The following RPE65 variants were observed in gnomAD, a reference collection of about 807,000 sequenced individuals.
The protein encoded by RPE65 is retinoid isomerohydrolase RPE65.
RPE65 carries 58 observed loss-of-function variants against 68.5 expected under a neutral mutation model. The observed-to-expected ratio is 0.85, with a 90% CI of 0.69 to 1.05. The LOEUF is 1.05. Among genes scored for constraint, RPE65 ranks in the 50% least tolerant of loss-of-function variants. RPE65 has a pLI of 0.00. For missense variants in RPE65, 643 were observed against 629.9 expected, an observed-to-expected ratio of 1.02 and a Z score of -0.22; for synonymous variants, 220 against 222.2, an observed-to-expected ratio of 0.99 and a Z score of 0.09.
Position 68,444,653 on chromosome 1 carries a change from C to T in RPE65, c.373G>A (p.Gly125Arg). 1 of 1,614,070 alleles carries T rather than the reference C, an allele frequency of 6.2e-7. No homozygotes were observed. The highest frequency in any genetic ancestry group is 1.3e-5 in the African/African-American group (1 of 75,018). Residue 125 changes from glycine (G) to arginine (R), a missense_variant, in exon 5 of 14, where the codon GGA (glycine) becomes AGA (arginine). Coordinates refer to ENST00000262340, the MANE Select transcript of RPE65 (RefSeq NM_000329.3). ...AGGGCATTGTCAGTAACCTCTACTC[C>T]TCGAAAGTAAGAAAAAAACCTGTAG... ...IFSRFFSYFR[G>R]VEVTDNALVN...
intron 5 of RPE65, among the ~76,000 whole-genome samples, chr1:68,441,529 A>G (rs561451780): frequency 4.6e-5 from 7 of 152,224 alleles, no homozygotes; most frequent in African/African-American, 1.7e-4. Context: ...TAGGAGAACC[A>G]TGGATCTCTT....
chr1:68,439,406 A>G, intron 7 of RPE65, 83 bp from the exon 8 acceptor site: 1 of 1,590,224 alleles, frequency 6.3e-7, no homozygotes, highest in Non-Finnish European at 8.6e-7. Flanking sequence ...TGGTATGCTC[A>G]GTTACAAGAA....
At position 68,431,201 on chromosome 1, in the gene RPE65, T is replaced by C. The variant is rs759868752; in HGVS notation, c.1339-25A>G. The C allele has an allele frequency of 1.1e-5, 18 of 1,611,282 alleles. No individual in the cohort carries two copies. In the Admixed American group the frequency reaches 2.8e-4, roughly 25 times the overall value. On this transcript the variant is annotated intron_variant, in intron 12 of 13. Coordinates refer to ENST00000262340, the MANE Select transcript of RPE65 (RefSeq NM_000329.3). ...GCTGTTTGTGAGAAAGAAAAATCAA[T>C]CAAGCAATCAGTCAATATGCTTTAC...
Position 68,446,703 on chromosome 1 carries a change from G to A in RPE65, c.245+7C>T. 3 of 1,614,162 alleles carry A rather than the reference G, an allele frequency of 1.9e-6. No homozygotes were observed. The highest frequency in any genetic ancestry group is 2.5e-6 in the Non-Finnish European group (3 of 1,180,030). Reference sequence around the variant, plus strand: ...AGGAGGAGGAGTGGCATGGAGTGCTGCTTTACCTTCTGTGGTATGTGACAT... The same window carrying A: ...AGGAGGAGGAGTGGCATGGAGTGCTACTTTACCTTCTGTGGTATGTGACAT... On this transcript the variant is annotated splice_region_variant and intron_variant, in intron 3 of 13. Coordinates refer to ENST00000262340, the MANE Select transcript of RPE65 (RefSeq NM_000329.3).
In RPE65 at chr1:68,444,121, C is replaced by T. The variant is rs76446417; in HGVS notation, c.495+410G>A. 8.8e-3 allele frequency among the ~76,000 whole-genome samples: 1,333 copies of T among 152,256 alleles called. 19 individuals are homozygous for T. Among genetic ancestry groups the T allele is most frequent in the African/African-American group, 0.031 (1,274 of 41,540 alleles). ...ACCCTACTCATTGATCTATCCCTTG[C>T]ATCTAGCATAAATTCTGAATATGGA... On this transcript the variant is annotated intron_variant, in intron 5 of 13. Coordinates refer to ENST00000262340, the MANE Select transcript of RPE65 (RefSeq NM_000329.3).
At position 68,444,579 on chromosome 1, in the gene RPE65, G is replaced by T. The variant is rs750892483; in HGVS notation, c.447C>A (p.Thr149=). ...CTGGATTAATCTTTGTAATAAAGTT[G>T]GTCTCTGTGCAAGCGTAGTAATCTT... is the stretch of plus-strand genomic sequence containing the variant. ...VGEDYYACTE[T]NFITKINPET... is the part of the protein sequence containing the mutation. Residue 149 remains threonine (T), a synonymous_variant, in exon 5 of 14, where the codon ACC becomes ACA. Coordinates refer to ENST00000262340, the MANE Select transcript of RPE65 (RefSeq NM_000329.3). 1.2e-6 allele frequency: 2 copies of T among 1,614,122 alleles called. No homozygotes were observed. The highest frequency in any genetic ancestry group is 1.1e-5 in the South Asian group (1 of 91,076).
At position 68,431,585 on chromosome 1, in the gene RPE65, C is replaced by A; in HGVS notation, c.1129G>T (p.Ala377Ser). Residue 377 changes from alanine (A) to serine (S), a missense_variant and splice_region_variant, in exon 11 of 14, where the codon GCT (alanine) becomes TCT (serine). Transcript: ENST00000262340. ...GTGACTAAATTCTTGCCTGTGTCAGCCTAGGAGAGAAGATAACAGAAACCT... is the reference window on the plus strand; with the variant it reads ...GTGACTAAATTCTTGCCTGTGTCAGACTAGGAGAGAAGATAACAGAAACCT... Reference protein sequence around the residue: ...RYVLPLNIDKADTGKNLVTLP... With the variant: ...RYVLPLNIDKSDTGKNLVTLP... The A allele has an allele frequency of 6.2e-7, 1 of 1,612,686 alleles. No homozygotes were observed. Among genetic ancestry groups the A allele is most frequent in the Non-Finnish European group, 8.5e-7 (1 of 1,178,978 alleles).
At chr1:68,437,171 A>G (rs1367013792) in intron 10 of RPE65, among the ~76,000 whole-genome samples, 2 of 152,176 alleles carry the variant, frequency 1.3e-5, no homozygotes, top group Non-Finnish European at 2.9e-5. Context: ...ATATTTATAT[A>G]ACACTCAAAG....
chr1:68,444,239 T>G (rs1409620882), intron 5 of RPE65, among the ~76,000 whole-genome samples: 1 of 152,196 alleles, frequency 6.6e-6, no homozygotes, highest in Non-Finnish European at 1.5e-5. Context: ...GTGTTTAAAA[T>G]TTTAGAGATG....
intron 5 of RPE65, among the ~76,000 whole-genome samples, chr1:68,444,258 A>C (rs1005917884): frequency 1.3e-5 from 2 of 152,180 alleles, no homozygotes; most frequent in South Asian, 4.1e-4. Flanking sequence ...TGAAGAAACA[A>C]TGTTTGTCCT....
At position 68,448,629 on chromosome 1, in the gene RPE65, A is replaced by C. The variant is rs1373308880; in HGVS notation, c.89T>G (p.Val30Gly). The change falls in exon 2 of 14, where the codon GTA (valine) becomes GGA (glycine). Residue 30 changes from valine (V) to glycine (G), a missense_variant. By Grantham distance (109) the Val-to-Gly change is moderately radical. Coordinates refer to ENST00000262340, the MANE Select transcript of RPE65 (RefSeq NM_000329.3). ...EELSSPLTAHVTGRIPLWLTG... is the reference protein window; with the variant it reads ...EELSSPLTAHGTGRIPLWLTG... Reference sequence around the variant, plus strand: ...TCAAGATGGGCGAGACCAACCTGTTACATGAGCTGTGAGCGGCGAGGACAG... The same window carrying C: ...TCAAGATGGGCGAGACCAACCTGTTCCATGAGCTGTGAGCGGCGAGGACAG... 6.2e-7 allele frequency: 1 copy of C among 1,613,920 alleles called. No homozygotes were observed. Among genetic ancestry groups the C allele is most frequent in the African/African-American group, 1.3e-5 (1 of 75,008 alleles).
In RPE65 at chr1:68,431,371, C is replaced by G. The variant is rs62636299; in HGVS notation, c.1249G>C (p.Glu417Gln). ...VLFSGPRQAFEFPQINYQKYC... is the reference protein window; with the variant it reads ...VLFSGPRQAFQFPQINYQKYC... ...TTCTGGTAATTGATTTGAGGAAACTCAAATGCTACGAAATAGAGCACATGC... is the reference window on the plus strand; with the variant it reads ...TTCTGGTAATTGATTTGAGGAAACTGAAATGCTACGAAATAGAGCACATGC... Residue 417 changes from glutamate to glutamine, a missense_variant, in exon 12 of 14, where the codon GAG becomes CAG. Coordinates refer to ENST00000262340, the MANE Select transcript of RPE65 (RefSeq NM_000329.3). 2.5e-6 allele frequency: 4 copies of G among 1,613,738 alleles called. No individual in the cohort carries two copies. Among genetic ancestry groups the G allele is most frequent in the East Asian group, 2.2e-5 (1 of 44,882 alleles).
chr1:68,449,684 C>G (rs1310490486), intron 1 of RPE65, among the ~76,000 whole-genome samples: 2 of 152,144 alleles, frequency 1.3e-5, no homozygotes, highest in African/African-American at 4.8e-5. Flanking sequence ...CTTCCAAACC[C>G]CGGGCTAAGT....
intron 2 of RPE65, among the ~76,000 whole-genome samples, chr1:68,447,108 A>G (rs1173852090): frequency 1.3e-5 from 2 of 152,138 alleles, no homozygotes; most frequent in African/African-American, 2.4e-5. Context: ...AAGGGTTGGA[A>G]GGAGTGAGGG....
chr1:68,443,921 T>C (rs1645922041), intron 5 of RPE65, among the ~76,000 whole-genome samples: 1 of 152,232 alleles, frequency 6.6e-6, no homozygotes, highest in Non-Finnish European at 1.5e-5. Flanking sequence ...TCATTCAAGA[T>C]ATAGCTTTAT....
In RPE65 at chr1:68,436,530, A is replaced by G. The variant is rs181464621; in HGVS notation, c.1128+1657T>C. 4.5e-3 allele frequency among the ~76,000 whole-genome samples: 681 copies of G among 151,896 alleles called. 8 individuals carry two copies. Among genetic ancestry groups the G allele is most frequent in the African/African-American group, 0.016 (649 of 41,380 alleles). On this transcript the variant is annotated intron_variant, in intron 10 of 13. Transcript: ENST00000262340. The stretch of plus-strand genomic sequence containing the variant: ...GTTGCCCAGGCTGGAGTGCAATGGC[A>G]TGATCTCGGCTCACTGCAACCTCTG...
intron 10 of RPE65, among the ~76,000 whole-genome samples, chr1:68,435,694 C>T (rs1483472142): frequency 1.3e-5 from 2 of 152,192 alleles, no homozygotes; most frequent in African/African-American, 4.8e-5. Context: ...CTGCCTCAAT[C>T]CCATCTCCAC....
chr1:68,448,696 G>C lies in RPE65; in HGVS notation c.22C>G (p.Pro8Ala), dbSNP rs938458992. 6.2e-7 allele frequency: 1 copy of C among 1,613,434 alleles called. No individual in the cohort carries two copies. The highest frequency in any genetic ancestry group is 8.5e-7 in the Non-Finnish European group (1 of 1,179,792). ...AACAGTTTCTTGTAACCACCAGCAG[G>C]ATGCTCAACCCTGAAATGGTGGAAG... The part of the protein sequence containing the change: MSIQVEH[P>A]AGGYKKLFET... Residue 8 changes from proline to alanine, a missense_variant, in exon 2 of 14, where the codon CCT (proline) becomes GCT (alanine). By Grantham distance (27) the Pro-to-Ala change is conservative. Transcript: ENST00000262340.
chr1:68,445,972 A>G (rs191297025), intron 3 of RPE65, among the ~76,000 whole-genome samples: 64 of 151,858 alleles, frequency 4.2e-4, no homozygotes, highest in African/African-American at 1.4e-3. Flanking sequence ...GTCCCCTTTC[A>G]CTTTTTCTTT....
Sources: gnomAD v4.1 joint callset for allele counts (sites outside exome capture counted in the v4.1 genomes callset) on GRCh38, gnomAD v4.1.1 for gene constraint, MANE v1.5 for transcripts, NCBI Gene and HGNC (gene_info 2026-07-23, HGNC 2026-07-21) for gene names.